CHN1: variants seen among roughly 807,000 people sequenced by gnomAD.
The protein encoded by CHN1 is chimerin 1, also known as N-chimaerin.
In CHN1, 37 loss-of-function variants were observed where a neutral mutation model predicts 59.5. That is an observed-to-expected ratio of 0.62 (90% CI 0.48 to 0.82). CHN1 has a LOEUF of 0.82. Ranked by LOEUF, CHN1 falls within the 40% of genes least tolerant of loss-of-function variation. The pLI is 0.00. For missense variants in CHN1, 469 were observed against 571.0 expected, an observed-to-expected ratio of 0.82 and a Z score of 1.82; for synonymous variants, 206 against 200.4, an observed-to-expected ratio of 1.03 and a Z score of -0.24.
chr2:174,914,716 GTCTATAA>G (rs1374712392), intron 5 of CHN1, among the ~76,000 whole-genome samples: 1 of 151,798 alleles, frequency 6.6e-6, no homozygotes, highest in Non-Finnish European at 1.5e-5. Context: ...AGTGGCACAC[GTCTATAA>G]TCCCAGCTAC....
intron 7 of CHN1, among the ~76,000 whole-genome samples, chr2:174,829,595 T>A (rs893711224): frequency 5.3e-5 from 8 of 152,152 alleles, no homozygotes; most frequent in Non-Finnish European, 8.8e-5. Flanking sequence ...GTCAAAACAT[T>A]CCCTTTAGAA....
At chr2:174,933,631 C>A (rs1276535188) in intron 3 of CHN1, among the ~76,000 whole-genome samples, 1 of 152,018 alleles carries the variant, frequency 6.6e-6, no homozygotes, top group Admixed American at 6.6e-5. Context: ...CAAAAGAAAG[C>A]AAAGAAATTG....
intron 8 of CHN1, among the ~76,000 whole-genome samples, chr2:174,823,675 A>C (rs1488580950): frequency 6.6e-6 from 1 of 152,126 alleles, no homozygotes; most frequent in African/African-American, 2.4e-5. Flanking sequence ...AAAAAAAAAA[A>C]AAGAATTTAA....
rs561769789 is a variant in CHN1 at position 174,949,761 on chromosome 2, T to G, written c.58+2403A>C. 6.6e-5 allele frequency among the ~76,000 whole-genome samples: 10 copies of G among 152,316 alleles called. No homozygotes were observed. In the South Asian group the frequency reaches 2.1e-3, roughly 32 times the overall value. ...TTATAAGAAAATTTCTAAAAAGGAT[T>G]TTTCCACTTGCTTTTAACATAGTTT... On this transcript the variant is annotated intron_variant, in intron 2 of 12. Coordinates refer to ENST00000409900, the MANE Select transcript of CHN1 (RefSeq NM_001822.7).
intron 6 of CHN1, among the ~76,000 whole-genome samples, chr2:174,870,267 C>G (rs1687365081): frequency 6.6e-6 from 1 of 152,104 alleles, no homozygotes. Flanking sequence ...CCTATAATTT[C>G]CTGTTGAAAG....
At chr2:174,853,297 C>T (rs925282902) in intron 6 of CHN1, among the ~76,000 whole-genome samples, 2 of 152,034 alleles carry the variant, frequency 1.3e-5, no homozygotes, top group Non-Finnish European at 2.9e-5. Flanking sequence ...CATGAACAAA[C>T]ACTTCTCAAA....
chr2:174,875,083 A>G (rs1185382826), intron 6 of CHN1, among the ~76,000 whole-genome samples: 1 of 151,980 alleles, frequency 6.6e-6, no homozygotes, highest in East Asian at 1.9e-4. Context: ...CATGTTGGCC[A>G]GGCAGGTCTT....
intron 5 of CHN1, among the ~76,000 whole-genome samples, chr2:174,910,854 C>T (rs1001065846): frequency 1.9e-4 from 25 of 134,282 alleles, no homozygotes; most frequent in African/African-American, 6.1e-4. Context: ...GAGCGGAGAT[C>T]GCGCCACAGC....
intron 6 of CHN1, among the ~76,000 whole-genome samples, chr2:174,853,754 T>C (rs1325220696): frequency 6.6e-6 from 1 of 152,182 alleles, no homozygotes; most frequent in Non-Finnish European, 1.5e-5. Context: ...CACTATGGTA[T>C]ACTATGCAGC....
At chr2:174,863,916 T>G (rs1484644600) in intron 6 of CHN1, among the ~76,000 whole-genome samples, 1 of 152,168 alleles carries the variant, frequency 6.6e-6, no homozygotes, top group Non-Finnish European at 1.5e-5. Context: ...TCACTGCATG[T>G]TTCAGAACTT....
intron 5 of CHN1, among the ~76,000 whole-genome samples, chr2:174,904,221 T>C (rs938852165): frequency 7.9e-5 from 12 of 151,490 alleles, no homozygotes; most frequent in African/African-American, 2.4e-5. Flanking sequence ...GATTGTGCCA[T>C]TGCACTCCAG....
chr2:174,851,382 T>G (rs982695726), intron 6 of CHN1, among the ~76,000 whole-genome samples: 2 of 152,124 alleles, frequency 1.3e-5, no homozygotes, highest in African/African-American at 4.8e-5. Flanking sequence ...TGGGCTCCAT[T>G]GATCCTCCCA....
At chr2:174,935,799 G>T (rs1429523475) in intron 3 of CHN1, among the ~76,000 whole-genome samples, 1 of 151,900 alleles carries the variant, frequency 6.6e-6, no homozygotes, top group Non-Finnish European at 1.5e-5. Context: ...CAGGCACGGC[G>T]GTGCACACAT....
chr2:174,890,707 T>TA (rs1255914288), intron 5 of CHN1, among the ~76,000 whole-genome samples: 1 of 152,030 alleles, frequency 6.6e-6, no homozygotes, highest in Non-Finnish European at 1.5e-5. Flanking sequence ...TAGGAGGACT[T>TA]AAACAGCATT....
At chr2:174,888,194 T>G (rs1016956023) in intron 5 of CHN1, among the ~76,000 whole-genome samples, 6 of 152,342 alleles carry the variant, frequency 3.9e-5, no homozygotes, top group African/African-American at 9.6e-5. Flanking sequence ...TTTTTCTTTT[T>G]CTAGTGAACC....
chr2:174,914,483 C>T lies in CHN1; in HGVS notation c.260+575G>A, dbSNP rs552941506. Among the ~76,000 whole-genome samples, 5 of 152,124 alleles carry T rather than the reference C, an allele frequency of 3.3e-5. No individual in the cohort carries two copies. The South Asian group carries it at 1.0e-3, about 32-fold the overall frequency. Reference sequence around the variant, plus strand: ...CCTTATTCAAGAAATTGACGGAAGCCGACAAGCTAGACAAACAGGAAAGAA... The same window carrying T: ...CCTTATTCAAGAAATTGACGGAAGCTGACAAGCTAGACAAACAGGAAAGAA... On this transcript the variant is annotated intron_variant, in intron 5 of 12. Coordinates refer to ENST00000409900, the MANE Select transcript of CHN1 (RefSeq NM_001822.7).
At chr2:174,941,838 T>C (rs1435030034) in intron 3 of CHN1, among the ~76,000 whole-genome samples, 1 of 152,220 alleles carries the variant, frequency 6.6e-6, no homozygotes, top group Non-Finnish European at 1.5e-5. Context: ...TTGCAATTTT[T>C]GTCCTTAGAA....
intron 5 of CHN1, among the ~76,000 whole-genome samples, chr2:174,884,253 G>A (rs933423804): frequency 9.2e-5 from 14 of 151,988 alleles, no homozygotes; most frequent in Admixed American, 9.2e-4. Context: ...TTACAGGCGT[G>A]AGCCACCGAG....
intron 3 of CHN1, among the ~76,000 whole-genome samples, chr2:174,929,487 A>C (rs1689268507): frequency 6.6e-6 from 1 of 152,186 alleles, no homozygotes; most frequent in Admixed American, 6.5e-5. Flanking sequence ...CTGAGGCATA[A>C]GAATCACTTG....
Sources: gnomAD v4.1 joint callset for allele counts (sites outside exome capture counted in the v4.1 genomes callset) on GRCh38, gnomAD v4.1.1 for gene constraint, MANE v1.5 for transcripts, NCBI Gene and HGNC (gene_info 2026-07-23, HGNC 2026-07-21) for gene names.